ARSF: variants seen among roughly 807,000 people sequenced by gnomAD.
ARSF encodes arylsulfatase F.
Under a neutral mutation model 35.4 loss-of-function variants are expected in ARSF, and 33 were observed. That is an observed-to-expected ratio of 0.93 (90% confidence interval 0.71 to 1.25). ARSF has a LOEUF of 1.25. ARSF is among the 50% of genes most tolerant of loss of function. The pLI is 0.00. For missense variants in ARSF, 501 were observed against 480.2 expected, an observed-to-expected ratio of 1.04 and a Z score of -0.40; for synonymous variants, 222 against 193.1, an observed-to-expected ratio of 1.15 and a Z score of -1.24.
intron 1 of ARSF, among the ~76,000 whole-genome samples, chrX:3,054,486 CAG>C (rs1334398917): frequency 9.1e-6 from 1 of 110,006 alleles, no homozygotes; most frequent in Non-Finnish European, 1.9e-5. Flanking sequence ...TTACTTGAAA[CAG>C]GGGGAGAGTC....
At chrX:3,076,325 CT>C (rs2090149129) in intron 3 of ARSF, among the ~76,000 whole-genome samples, 1 of 56,398 alleles carries the variant, frequency 1.8e-5, no homozygotes, top group Non-Finnish European at 3.4e-5. Flanking sequence ...CTGTTGCTCT[CT>C]TTCTCGTTTG....
chrX:3,055,906 T>C (rs1395393688), intron 1 of ARSF, among the ~76,000 whole-genome samples: 1 of 111,461 alleles, frequency 9.0e-6, no homozygotes, highest in African/African-American at 3.3e-5. Flanking sequence ...GGATTTAAGG[T>C]TTGAAAAAGA....
intron 6 of ARSF, among the ~76,000 whole-genome samples, chrX:3,086,858 C>T (rs2090252442): frequency 1.8e-5 from 2 of 111,467 alleles, no homozygotes; most frequent in Non-Finnish European, 3.8e-5. Flanking sequence ...TGGCCTAATG[C>T]AACACAAAGT....
chrX:3,083,050 T>C (rs1295216223), intron 5 of ARSF, among the ~76,000 whole-genome samples: 1 of 110,135 alleles, frequency 9.1e-6, no homozygotes, highest in Non-Finnish European at 1.9e-5. Context: ...CATCTATCAA[T>C]CCATCTATCC....
At chrX:3,081,273 G>T (rs2090199791) in intron 5 of ARSF, among the ~76,000 whole-genome samples, 1 of 111,544 alleles carries the variant, frequency 9.0e-6, no homozygotes, top group Non-Finnish European at 1.9e-5. Flanking sequence ...TGTGGCATGT[G>T]CCTATGGTCC....
chrX:3,087,119 C>T (rs1008462433), intron 6 of ARSF, among the ~76,000 whole-genome samples: 3 of 111,564 alleles, frequency 2.7e-5, no homozygotes, highest in African/African-American at 9.8e-5. Flanking sequence ...AGGATAATCA[C>T]TTTGTCTCAT....
At chrX:3,092,992 G>A (rs1292706193) in intron 7 of ARSF, among the ~76,000 whole-genome samples, 1 of 111,108 alleles carries the variant, frequency 9.0e-6, no homozygotes, top group Non-Finnish European at 1.9e-5. Flanking sequence ...TTAACACTGT[G>A]AAACCCCGTC....
Position 3,084,581 on chromosome X carries a change from C to T in ARSF, c.745C>T (p.Arg249Trp), listed in dbSNP as rs749415338. 18 of 1,208,583 alleles carry T rather than the reference C, an allele frequency of 1.5e-5. No individual in the cohort carries two copies. In the East Asian group the frequency reaches 3.9e-4, roughly 26 times the overall value. The stretch of plus-strand genomic sequence containing the variant: ...TTTATACTGGGACTGCCTCCTCATG[C>T]GGGGGCACGAGATCACGGAGCAGCC... ...SPLYWDCLLMRGHEITEQPMK... is the reference protein window; with the variant it reads ...SPLYWDCLLMWGHEITEQPMK... The change falls in exon 6 of 11, where the codon CGG (arginine) becomes TGG (tryptophan). Residue 249 changes from arginine to tryptophan, a missense_variant. By Grantham distance (101) the Arg-to-Trp change is moderately radical. Coordinates refer to ENST00000381127, the MANE Select transcript of ARSF (RefSeq NM_001201539.2).
At chrX:3,083,664 T>A (rs1194214158) in intron 5 of ARSF, among the ~76,000 whole-genome samples, 1 of 111,780 alleles carries the variant, frequency 8.9e-6, no homozygotes, top group African/African-American at 3.3e-5. Flanking sequence ...TACATATGCA[T>A]CTGTTCATCT....
chrX:3,102,037 G>A (rs1021188797), intron 8 of ARSF, among the ~76,000 whole-genome samples: 9 of 111,377 alleles, frequency 8.1e-5, no homozygotes, highest in Non-Finnish European at 5.7e-5. Context: ...CTTGCAGAGG[G>A]TATGAATGTG....
At chrX:3,084,735 T>C (rs542017955) in intron 6 of ARSF, 69 bp downstream of exon 6, 26 of 990,779 alleles carry the variant, frequency 2.6e-5, no homozygotes, top group Admixed American at 6.9e-5. Flanking sequence ...CCTAGATAGA[T>C]CTGTAGGGTG....
chrX:3,103,020 A>C (rs1163808640), intron 8 of ARSF, among the ~76,000 whole-genome samples: 3 of 111,846 alleles, frequency 2.7e-5, no homozygotes, highest in African/African-American at 6.5e-5. Context: ...CACTTCTCCT[A>C]ATTTCCCCCT....
chrX:3,053,065 T>C (rs951038398), intron 1 of ARSF, among the ~76,000 whole-genome samples: 4 of 111,459 alleles, frequency 3.6e-5, no homozygotes, highest in African/African-American at 1.3e-4. Flanking sequence ...AAAATCGGTT[T>C]CCTGGGAACC....
At chrX:3,097,422 T>C (rs2090344602) in intron 7 of ARSF, among the ~76,000 whole-genome samples, 1 of 112,004 alleles carries the variant, frequency 8.9e-6, no homozygotes, top group African/African-American at 3.2e-5. Flanking sequence ...GCTTGACAAA[T>C]AAAGAGTTCT....
intron 7 of ARSF, among the ~76,000 whole-genome samples, chrX:3,094,318 A>T (rs1465703048): frequency 8.9e-6 from 1 of 111,893 alleles, no homozygotes; most frequent in Non-Finnish European, 1.9e-5. Flanking sequence ...ATGTTGAATG[A>T]TGAGGAAGGA....
At position 3,102,785 on chromosome X, in the gene ARSF, A is replaced by G. The variant is rs761707065; in HGVS notation, c.1103-977A>G. ...AAATTAGCTGGGCATAGTGGCGGAC[A>G]CCTGTAGTCCCAGCTACTCAGGAGG... On this transcript the variant is annotated intron_variant, in intron 8 of 10. Coordinates refer to ENST00000381127, the MANE Select transcript of ARSF (RefSeq NM_001201539.2). 1.0e-4 allele frequency among the ~76,000 whole-genome samples: 11 copies of G among 110,341 alleles called. No individual in the cohort carries two copies. In the South Asian group the frequency reaches 2.0e-3, roughly 20 times the overall value.
At chrX:3,092,817 C>G (rs1215259913) in intron 7 of ARSF, among the ~76,000 whole-genome samples, 2 of 112,244 alleles carry the variant, frequency 1.8e-5, no homozygotes, top group East Asian at 5.6e-4. Context: ...TGTTGCTTTT[C>G]TTATTAGAAA....
intron 1 of ARSF, among the ~76,000 whole-genome samples, chrX:3,059,191 G>A (rs1247607687): frequency 2.7e-5 from 3 of 111,385 alleles, no homozygotes; most frequent in African/African-American, 9.8e-5. Context: ...GGCCAGGCAC[G>A]GTGGCTCATG....
chrX:3,072,050 G>T lies in ARSF; in HGVS notation c.36G>T (p.Leu12Phe). 1 of 1,202,697 alleles carries T rather than the reference G, an allele frequency of 8.3e-7. No homozygotes were observed. The highest frequency in any genetic ancestry group is 1.1e-6 in the Non-Finnish European group (1 of 893,762). The change falls in exon 3 of 11, where the codon TTG becomes TTT. Residue 12 changes from leucine to phenylalanine, a missense_variant. Physicochemically the swap from Leu to Phe is conservative, Grantham distance 22. Coordinates refer to ENST00000381127, the MANE Select transcript of ARSF (RefSeq NM_001201539.2). ...GGAGACCCTTGGTCTTCATGTCTTT[G>T]GTGTGTGCACTCTTGAACACATGCC... is the stretch of plus-strand genomic sequence containing the variant. ...RPRRPLVFMS[L>F]VCALLNTCQA... is the part of the protein sequence containing the mutation.
Sources: gnomAD v4.1 joint callset for allele counts (sites outside exome capture counted in the v4.1 genomes callset) on GRCh38, gnomAD v4.1.1 for gene constraint, MANE v1.5 for transcripts, NCBI Gene and HGNC (gene_info 2026-07-23, HGNC 2026-07-21) for gene names.